SLC44A1: variants seen among roughly 807,000 people sequenced by gnomAD.
SLC44A1 encodes the protein choline transporter-like protein 1.
A neutral mutation model predicts 79.3 loss-of-function variants in SLC44A1; 26 were observed. That is an observed-to-expected ratio of 0.33 (90% CI 0.24 to 0.46). The LOEUF (loss-of-function observed/expected upper bound fraction) is 0.46. Ranked by LOEUF, SLC44A1 falls within the 20% of genes least tolerant of loss-of-function variation. The pLI is 1.00. For missense variants in SLC44A1, 688 were observed against 798.1 expected, an observed-to-expected ratio of 0.86 and a Z score of 1.66; for synonymous variants, 263 against 286.2, an observed-to-expected ratio of 0.92 and a Z score of 0.82.
At chr9:105,298,335 T>TTTGTTGTTG (rs376740363) in intron 1 of SLC44A1, among the ~76,000 whole-genome samples, 1 of 151,952 alleles carries the variant, frequency 6.6e-6, no homozygotes, top group Non-Finnish European at 1.5e-5. Context: ...GAATCCCGTT[T>TTTGTTGTTG]TTGTTGTTGT....
chr9:105,317,357 G>A (rs961581330), intron 3 of SLC44A1, among the ~76,000 whole-genome samples: 41 of 152,246 alleles, frequency 2.7e-4, no homozygotes, highest in African/African-American at 9.4e-4. Context: ...CCTCATTTAG[G>A]TATAAAGATG....
Position 105,362,058 on chromosome 9 carries a change from G to C in SLC44A1, c.900+728G>C, listed in dbSNP as rs142699811. The stretch of plus-strand genomic sequence containing the variant: ...TATATGTGTGTTTGTGTGTGCGTGT[G>C]TGTGCGCGCGCGCGCGTGTGTGTGT... On this transcript the variant is annotated intron_variant, in intron 8 of 15. Coordinates refer to ENST00000374720, the MANE Select transcript of SLC44A1 (RefSeq NM_080546.5). 1.7e-3 allele frequency among the ~76,000 whole-genome samples: 256 copies of C among 152,138 alleles called. 3 individuals are homozygous for C. Among genetic ancestry groups the C allele is most frequent in the African/African-American group, 5.8e-3 (242 of 41,440 alleles).
At position 105,335,615 on chromosome 9, in the gene SLC44A1, A is replaced by G. The variant is rs764121965; in HGVS notation, c.322A>G (p.Lys108Glu). Reference protein sequence around the residue: ...CNLDLINRKIKSVALCVAACP... With the variant: ...CNLDLINRKIESVALCVAACP... ...CCTGGACTTGATAAACCGGAAGATT[A>G]AGTCTGTAGCACTGTGTGTAGCAGC... The change falls in exon 4 of 16, where the codon AAG (lysine) becomes GAG (glutamate). Residue 108 changes from lysine to glutamate, a missense_variant. Physicochemically the swap from Lys to Glu is moderately conservative, Grantham distance 56 (BLOSUM62 1). Transcript: ENST00000374720. 1.9e-6 allele frequency: 3 copies of G among 1,613,272 alleles called. No individual in the cohort carries two copies. The highest frequency in any genetic ancestry group is 1.7e-6 in the Non-Finnish European group (2 of 1,179,472).
intron 15 of SLC44A1, among the ~76,000 whole-genome samples, chr9:105,402,975 CT>C (rs780060821): frequency 1.5e-3 from 101 of 66,370 alleles, no homozygotes; most frequent in African/African-American, 3.0e-3. Context: ...TCACACCCAG[CT>C]TTTTTTTTTT....
chr9:105,288,230 T>C (rs1440093323), intron 1 of SLC44A1, among the ~76,000 whole-genome samples: 2 of 152,248 alleles, frequency 1.3e-5, no homozygotes, highest in Non-Finnish European at 2.9e-5. Flanking sequence ...TAGTTATTTT[T>C]ATGACTTTAA....
chr9:105,368,733 T>C (rs149230882), intron 12 of SLC44A1, among the ~76,000 whole-genome samples: 108 of 152,312 alleles, frequency 7.1e-4, no homozygotes, highest in African/African-American at 2.5e-3. Flanking sequence ...ACGACAATTA[T>C]GTTTTTAAAG....
chr9:105,424,180 C>T (rs1829290728), intron 15 of SLC44A1, among the ~76,000 whole-genome samples: 1 of 152,182 alleles, frequency 6.6e-6, no homozygotes, highest in African/African-American at 2.4e-5. Flanking sequence ...TCTCTCTGGT[C>T]CTCTTCCATG....
At chr9:105,340,476 T>A (rs1827052749) in intron 4 of SLC44A1, among the ~76,000 whole-genome samples, 1 of 152,160 alleles carries the variant, frequency 6.6e-6, no homozygotes. Flanking sequence ...TGCACAACAG[T>A]TTGAATGAAC....
chr9:105,352,570 A>G (rs771920842), intron 5 of SLC44A1, among the ~76,000 whole-genome samples: 1 of 152,230 alleles, frequency 6.6e-6, no homozygotes, highest in Non-Finnish European at 1.5e-5. Flanking sequence ...ATGTGACTAC[A>G]TCGACTTATT....
chr9:105,279,899 G>A (rs966561853), intron 1 of SLC44A1, among the ~76,000 whole-genome samples: 4 of 152,282 alleles, frequency 2.6e-5, no homozygotes, highest in Non-Finnish European at 4.4e-5. Flanking sequence ...TCAAGTGTTA[G>A]CAATAACCAG....
At chr9:105,312,186 G>T (rs1258143795) in intron 3 of SLC44A1, among the ~76,000 whole-genome samples, 1 of 151,928 alleles carries the variant, frequency 6.6e-6, no homozygotes, top group Non-Finnish European at 1.5e-5. Context: ...GCTCTTTCTT[G>T]ACTTCATGAA....
intron 1 of SLC44A1, among the ~76,000 whole-genome samples, chr9:105,268,787 C>T (rs1830016760): frequency 2.6e-5 from 4 of 152,124 alleles, no homozygotes; most frequent in South Asian, 2.1e-4. Context: ...CGGGTGCCAC[C>T]GTACCTGGCC....
chr9:105,244,956 C>T (rs1164753914), intron 1 of SLC44A1, 52 bp downstream of exon 1: 1 of 1,008,398 alleles, frequency 9.9e-7, no homozygotes, highest in Admixed American at 4.8e-5. Context: ...CCGTGCGCCG[C>T]GTCGCGCGGC....
At chr9:105,275,131 A>ATTCCT (rs1262331135) in intron 1 of SLC44A1, among the ~76,000 whole-genome samples, 1 of 152,230 alleles carries the variant, frequency 6.6e-6, no homozygotes, top group Non-Finnish European at 1.5e-5. Flanking sequence ...GTACAAAGTT[A>ATTCCT]AAGGCTTGGA....
intron 7 of SLC44A1, among the ~76,000 whole-genome samples, chr9:105,359,670 C>T (rs1034182662): frequency 6.6e-6 from 1 of 152,104 alleles, no homozygotes; most frequent in Non-Finnish European, 1.5e-5. Flanking sequence ...TTCAGCTTTT[C>T]TCCTATAATT....
At chr9:105,335,542 G>GT (rs371541154) in intron 3 of SLC44A1, 21 bp from the exon 4 acceptor site, 1 of 1,601,302 alleles carries the variant, frequency 6.2e-7, no homozygotes, top group Non-Finnish European at 8.5e-7. Context: ...TAATATCTCA[G>GT]TTTTTTTCTC....
chr9:105,246,202 C>T (rs1829442346), intron 1 of SLC44A1, among the ~76,000 whole-genome samples: 2 of 152,110 alleles, frequency 1.3e-5, no homozygotes, highest in Non-Finnish European at 2.9e-5. Context: ...GTGATAATGC[C>T]AGAAGTGTTT....
Position 105,391,538 on chromosome 9 carries a change from A to C in SLC44A1, c.*2482A>C. ...ATGCATTACACAGGCACACACAGAG[A>C]GATATTTAATATGTGGAATATCACT... On this transcript the variant is annotated 3_prime_UTR_variant, in exon 16 of 16. Transcript: ENST00000374720. The C allele has an allele frequency of 1.0e-6, 1 of 985,416 alleles. No individual in the cohort carries two copies. The highest frequency in any genetic ancestry group is 1.2e-6 in the Non-Finnish European group (1 of 829,790). 61.0% of individuals were successfully genotyped at this position (985,416 alleles called of 1,614,324 possible).
At chr9:105,335,297 A>G (rs536420574) in intron 3 of SLC44A1, among the ~76,000 whole-genome samples, 2 of 152,314 alleles carry the variant, frequency 1.3e-5, no homozygotes, top group East Asian at 1.9e-4. Context: ...ACTAAAATAG[A>G]TGATTTCTGA....
Sources: gnomAD v4.1 joint callset for allele counts (sites outside exome capture counted in the v4.1 genomes callset) on GRCh38, gnomAD v4.1.1 for gene constraint, MANE v1.5 for transcripts, NCBI Gene and HGNC (gene_info 2026-07-23, HGNC 2026-07-21) for gene names.